The following CD2AP variants were observed in gnomAD, a reference collection of about 807,000 sequenced individuals.
The protein encoded by CD2AP is CD2-associated protein.
In CD2AP, 46 loss-of-function variants were observed where a neutral mutation model predicts 85.1. The ratio of observed to expected loss-of-function variants is 0.54; its 90% CI spans 0.43 to 0.69. The LOEUF (loss-of-function observed/expected upper bound fraction) is 0.69, where lower values mean the gene tolerates loss of function less well. CD2AP is among the 30% of genes least tolerant of loss of function. CD2AP has a pLI of 0.00. For synonymous variants in CD2AP, 255 were observed against 252.9 expected, an observed-to-expected ratio of 1.01 and a Z score of -0.08; for missense variants, 769 against 729.5, an observed-to-expected ratio of 1.05 and a Z score of -0.62.
At chr6:47,608,173 A>G in intron 15 of CD2AP, 145 bp downstream of exon 15, 2 of 658,584 alleles carry the variant, frequency 3.0e-6, no homozygotes, top group Non-Finnish European at 2.7e-6. Flanking sequence ...TGAGTTGTTT[A>G]GCTTCATCAG....
chr6:47,568,781 T>G (rs1316643219), intron 5 of CD2AP, among the ~76,000 whole-genome samples: 1 of 151,768 alleles, frequency 6.6e-6, no homozygotes, highest in Non-Finnish European at 1.5e-5. Context: ...GGATTTAGAT[T>G]AGATGACCTA....
intron 4 of CD2AP, among the ~76,000 whole-genome samples, chr6:47,553,320 A>C (rs145695770): frequency 0.015 from 2,264 of 151,778 alleles, 217 homozygotes; most frequent in Admixed American, 0.14. Flanking sequence ...GTAAAATTTG[A>C]CAGTGAATAG....
chr6:47,525,005 A>C (rs531585048), intron 2 of CD2AP, among the ~76,000 whole-genome samples: 1 of 152,258 alleles, frequency 6.6e-6, no homozygotes, highest in Non-Finnish European at 1.5e-5. Flanking sequence ...ATTTAATCAT[A>C]ATAAAAAGGA....
intron 8 of CD2AP, 77 bp from the exon 9 acceptor site, chr6:47,579,308 C>A: frequency 1.1e-6 from 1 of 878,976 alleles, no homozygotes; most frequent in South Asian, 1.4e-5. Flanking sequence ...GCACTTCAGC[C>A]TGGCCAACAG....
At chr6:47,517,958 A>C (rs561871620) in intron 2 of CD2AP, among the ~76,000 whole-genome samples, 1 of 152,312 alleles carries the variant, frequency 6.6e-6, no homozygotes, top group South Asian at 2.1e-4. Flanking sequence ...ATTTTACATA[A>C]ATAAGATGGA....
At chr6:47,532,021 A>G (rs1766892690) in intron 2 of CD2AP, among the ~76,000 whole-genome samples, 1 of 151,930 alleles carries the variant, frequency 6.6e-6, no homozygotes. Context: ...TGCAGTGACC[A>G]GAGATCGCGC....
At position 47,477,963 on chromosome 6, in the gene CD2AP, G is replaced by C. The variant is rs1765344146; in HGVS notation, c.-282G>C. 1.9e-6 allele frequency: 1 copy of C among 528,278 alleles called. No homozygotes were observed. The highest frequency in any genetic ancestry group is 2.0e-5 in the African/African-American group (1 of 49,022). 32.7% of individuals were successfully genotyped at this position (528,278 alleles called of 1,614,324 possible). On this transcript the variant is annotated 5_prime_UTR_variant, in exon 1 of 18. Coordinates refer to ENST00000359314, the MANE Select transcript of CD2AP (RefSeq NM_012120.3). Reference sequence around the variant, plus strand: ...GGAGCGGCCAGGGTGGGAAAACCGCGGTCGGGCGGGCGGGGTAGGGCCCTC... The same window carrying C: ...GGAGCGGCCAGGGTGGGAAAACCGCCGTCGGGCGGGCGGGGTAGGGCCCTC...
At chr6:47,550,796 A>G (rs1342140321) in intron 4 of CD2AP, among the ~76,000 whole-genome samples, 1 of 152,194 alleles carries the variant, frequency 6.6e-6, no homozygotes, top group Non-Finnish European at 1.5e-5. Flanking sequence ...CCCATCAGTC[A>G]ATGAGTGGAT....
intron 3 of CD2AP, among the ~76,000 whole-genome samples, chr6:47,537,918 T>G (rs1373601619): frequency 2.0e-5 from 3 of 151,488 alleles, no homozygotes; most frequent in Admixed American, 2.0e-4. Flanking sequence ...CCTGGCTAAT[T>G]TTTTCTATTT....
At chr6:47,607,178 T>G (rs997260104) in intron 14 of CD2AP, among the ~76,000 whole-genome samples, 2 of 152,134 alleles carry the variant, frequency 1.3e-5, no homozygotes, top group African/African-American at 4.8e-5. Flanking sequence ...TGTCTATAGT[T>G]ACCACATTTT....
intron 4 of CD2AP, among the ~76,000 whole-genome samples, chr6:47,553,655 T>C (rs1185270038): frequency 6.6e-6 from 1 of 151,880 alleles, no homozygotes; most frequent in Non-Finnish European, 1.5e-5. Flanking sequence ...CAAGAGCCAG[T>C]GAACCTGGCC....
intron 17 of CD2AP, among the ~76,000 whole-genome samples, chr6:47,618,490 C>G (rs1484664387): frequency 6.6e-6 from 1 of 151,834 alleles, no homozygotes; most frequent in Non-Finnish European, 1.5e-5. Context: ...GCTCATAGCT[C>G]CTAACACAAT....
chr6:47,589,077 G>C (rs1768705482), intron 11 of CD2AP, among the ~76,000 whole-genome samples: 1 of 152,040 alleles, frequency 6.6e-6, no homozygotes, highest in South Asian at 2.1e-4. Flanking sequence ...GTTGACTAAT[G>C]AGATACTAAT....
intron 13 of CD2AP, among the ~76,000 whole-genome samples, chr6:47,605,020 TTGA>T: frequency 6.6e-6 from 1 of 152,146 alleles, no homozygotes; most frequent in Admixed American, 6.6e-5. Flanking sequence ...TCTAAATAAG[TTGA>T]TGAATAAGTT....
Position 47,595,995 on chromosome 6 carries a change from A to G in CD2AP, c.1243A>G (p.Lys415Glu), listed in dbSNP as rs1208879540. The G allele has an allele frequency of 6.2e-7, 1 of 1,612,826 alleles. No homozygotes were observed. Among genetic ancestry groups the G allele is most frequent in the African/African-American group, 1.3e-5 (1 of 74,848 alleles). Residue 415 changes from lysine (K) to glutamate (E), a missense_variant, in exon 12 of 18, where the codon AAA becomes GAA. By Grantham distance (56) the Lys-to-Glu change is moderately conservative (BLOSUM62 1). Coordinates refer to ENST00000359314, the MANE Select transcript of CD2AP (RefSeq NM_012120.3). ...SGTVYPKRPE[K>E]PVPPPPPIAK... ...AACAGTGTACCCAAAGCGACCTGAAAAACCAGTTCCTCCACCACCTCCTAT... is the reference window on the plus strand; with the variant it reads ...AACAGTGTACCCAAAGCGACCTGAAGAACCAGTTCCTCCACCACCTCCTAT...
At chr6:47,508,580 C>A (rs1425682746) in intron 2 of CD2AP, among the ~76,000 whole-genome samples, 2 of 131,262 alleles carry the variant, frequency 1.5e-5, no homozygotes, top group Non-Finnish European at 3.1e-5. Context: ...GAGTCTCGCT[C>A]TGTTGCCCAG....
intron 3 of CD2AP, among the ~76,000 whole-genome samples, chr6:47,542,677 A>G (rs985839244): frequency 1.3e-5 from 2 of 152,162 alleles, no homozygotes; most frequent in Non-Finnish European, 2.9e-5. Context: ...AGTGAGAAGT[A>G]AATTTATACT....
Position 47,576,547 on chromosome 6 carries a change from AC to A in CD2AP, c.756del (p.Thr254LeufsTer6). 1 of 1,612,480 alleles carries A rather than the reference AC, an allele frequency of 6.2e-7. No individual in the cohort carries two copies. The highest frequency in any genetic ancestry group is 8.5e-7 in the Non-Finnish European group (1 of 1,178,822). On this transcript the variant is annotated frameshift_variant, in exon 7 of 18. Transcript: ENST00000359314. LOFTEE classifies it high-confidence loss of function. ...AGCCCTTAATCCTACAGTCACTGGG[AC>A]CCAAAACTCAGAGTGTGGAGATAAC... ...EKPLILQSLG[P>X]KTQSVEITKT...
At chr6:47,575,459 A>G (rs1768282114) in intron 6 of CD2AP, among the ~76,000 whole-genome samples, 1 of 152,214 alleles carries the variant, frequency 6.6e-6, no homozygotes, top group African/African-American at 2.4e-5. Context: ...GGGTTACCCT[A>G]TATAATGGTC....
Sources: allele counts gnomAD v4.1 joint callset (sites outside exome capture counted in the v4.1 genomes callset), GRCh38; gene constraint gnomAD v4.1.1; transcripts MANE v1.5; gene names NCBI Gene and HGNC (gene_info 2026-07-23, HGNC 2026-07-21).